Variants in FGD1 observed in about 807,000 individuals in gnomAD.
FGD1 encodes FYVE, RhoGEF and PH domain containing 1, also known as FYVE, RhoGEF and PH domain-containing protein 1.
In FGD1, 12 loss-of-function variants were observed where a neutral mutation model predicts 65.0. The observed-to-expected ratio is 0.18, with a 90% CI of 0.12 to 0.30. The LOEUF is 0.30. FGD1 is among the 10% of genes least tolerant of loss of function. The pLI is 1.00. For synonymous variants in FGD1, 333 were observed against 343.9 expected (o/e 0.97, Z 0.35); for missense variants, 542 against 837.6 (o/e 0.65, Z 4.36).
chrX:54,470,542 T>C (rs764528933), intron 3 of FGD1, 41 bp downstream of exon 3: 2 of 1,183,813 alleles, frequency 1.7e-6, no homozygotes, highest in Non-Finnish European at 2.3e-6. Flanking sequence ...TGTCCCAGGC[T>C]CCCCCTTTCC....
rs918079380 is a variant in FGD1, at chrX:54,478,235, G to A, written c.308-6748C>T. Among the ~76,000 whole-genome samples, 8 of 111,790 alleles carry A rather than the reference G, an allele frequency of 7.2e-5. No homozygotes were observed. In the Admixed American group the frequency reaches 7.6e-4, roughly 11 times the overall value. On this transcript the variant is annotated intron_variant, in intron 1 of 17. Transcript: ENST00000375135. ...GCTTCCAAATGAATGTGGCAGAGCC[G>A]GGCCTTCAAGACAGCACCTGGTAGC...
intron 17 of FGD1, among the ~76,000 whole-genome samples, chrX:54,446,905 G>A (rs1922212879): frequency 9.1e-6 from 1 of 109,639 alleles, no homozygotes; most frequent in Non-Finnish European, 1.9e-5. Flanking sequence ...TGTATTTTTA[G>A]TAGAGACGGG....
At chrX:54,493,557 G>A (rs1249656390) in intron 1 of FGD1, among the ~76,000 whole-genome samples, 1 of 112,010 alleles carries the variant, frequency 8.9e-6, no homozygotes, top group Non-Finnish European at 1.9e-5. Flanking sequence ...AAGACGAGGA[G>A]CAAGCCAGGT....
Position 54,447,221 on chromosome X carries a change from T to C in FGD1, c.2580+90A>G, listed in dbSNP as rs1922235422. The C allele has an allele frequency of 2.1e-5, 21 of 1,015,182 alleles. No homozygotes were observed. The South Asian group carries it at 4.1e-4, about 20-fold the overall frequency. The allele number at this position is 1,015,182 out of a possible 1,213,427, so 83.7% of individuals were successfully genotyped here. A position where few individuals can be genotyped will look rare whatever the true frequency, so the allele number is the denominator to read the frequency against. ...ATAGGCTCACCTTATCTTCCAAGGC[T>C]CACCTTATCTTCCAAGGCCAAGGAG... On this transcript the variant is annotated intron_variant, in intron 17 of 17. Transcript: ENST00000375135.
Position 54,471,334 on chromosome X carries a change from G to A in FGD1, c.461C>T (p.Ala154Val), listed in dbSNP as rs756100428. 1.7e-6 allele frequency: 2 copies of A among 1,210,753 alleles called. No individual in the cohort carries two copies. Among genetic ancestry groups the A allele is most frequent in the East Asian group, 5.9e-5 (2 of 33,840 alleles). The change falls in exon 2 of 18, where the codon GCA becomes GTA. Residue 154 changes from alanine (A) to valine (V), a missense_variant. By Grantham distance (64) the Ala-to-Val change is moderately conservative. Around this residue, in one of 6 missense-constraint regions of FGD1, gnomAD observed 297 missense variants for 326.8 expected, o/e 0.91. Coordinates refer to ENST00000375135, the MANE Select transcript of FGD1 (RefSeq NM_004463.3). ...CTTACCCTGTGGCTTCGGGCCCGGT[G>A]CCCGCTTCAGTGGTGAAGGACGCTG... ...PSQRPSPLKR[A>V]PGPKPQVPPK...
In FGD1 at chrX:54,446,141, G is replaced by A. The variant is rs374402628; in HGVS notation, c.2854C>T (p.Pro952Ser). ...TTGTCTCGGGTCTGGGGGGATTCGG[G>A]GGGTTCAGCAGTGGCTCCTAAAGCA... is the stretch of plus-strand genomic sequence containing the variant. Reference protein sequence around the residue: ...VAALGATAEPPESPQTRDKT With the variant: ...VAALGATAEPSESPQTRDKT Residue 952 changes from proline (P) to serine (S), a missense_variant, in exon 18 of 18, where the codon CCC (proline) becomes TCC (serine). Pro to Ser is a moderately conservative substitution (Grantham distance 74). Transcript: ENST00000375135. 1 of 1,210,762 alleles carries A rather than the reference G, an allele frequency of 8.3e-7. No individual in the cohort carries two copies. Among genetic ancestry groups the A allele is most frequent in the African/African-American group, 1.7e-5 (1 of 57,716 alleles).
At chrX:54,464,425 G>A (rs1180697572) in intron 8 of FGD1, among the ~76,000 whole-genome samples, 2 of 111,568 alleles carry the variant, frequency 1.8e-5, no homozygotes, top group Admixed American at 9.6e-5. Context: ...GAGCCACTGC[G>A]CCCGGCCTCT....
Position 54,448,795 on chromosome X carries a change from C to G in FGD1, c.2436+11G>C. On this transcript the variant is annotated intron_variant, in intron 16 of 17. Transcript: ENST00000375135. ...CCACTGTGGGAGAGTTAGTCAGGGG[C>G]TGGCTCTTACCTCCAGGATGGACCT... 1 of 1,210,561 alleles carries G rather than the reference C, an allele frequency of 8.3e-7. No individual in the cohort carries two copies. The highest frequency in any genetic ancestry group is 1.1e-6 in the Non-Finnish European group (1 of 895,015).
intron 1 of FGD1, among the ~76,000 whole-genome samples, chrX:54,478,095 G>A (rs1382134752): frequency 9.0e-6 from 1 of 111,265 alleles, no homozygotes; most frequent in African/African-American, 3.3e-5. Context: ...CCCAGCCTGG[G>A]CGACAGAGTG....
chrX:54,453,685 G>A (rs1290054919), intron 12 of FGD1, among the ~76,000 whole-genome samples: 3 of 112,190 alleles, frequency 2.7e-5, no homozygotes, highest in Non-Finnish European at 3.8e-5. Context: ...GATTACAGGC[G>A]TGAGCCACTG....
At chrX:54,487,413 A>T (rs1177682950) in intron 1 of FGD1, among the ~76,000 whole-genome samples, 1 of 111,540 alleles carries the variant, frequency 9.0e-6, no homozygotes, top group East Asian at 2.8e-4. Flanking sequence ...TCTTTCCTGA[A>T]CTTTCCAATC....
chrX:54,471,493 G>C lies in FGD1; in HGVS notation c.308-6C>G. The C allele has an allele frequency of 8.3e-7, 1 of 1,209,503 alleles. No homozygotes were observed. The highest frequency in any genetic ancestry group is 1.1e-6 in the Non-Finnish European group (1 of 894,097). ...CCGGTTTCCCTGGTGCAGCCCTGCA[G>C]GAAGGGAGAAAATGGGTGTGAAGTA... On this transcript the variant is annotated splice_region_variant and splice_polypyrimidine_tract_variant and intron_variant, in intron 1 of 17. Transcript: ENST00000375135.
In FGD1 at chrX:54,447,449, C is replaced by G. The variant is rs1193722958; in HGVS notation, c.2442G>C (p.Gln814His). The G allele has an allele frequency of 1.7e-6, 2 of 1,209,879 alleles. No individual in the cohort carries two copies. Among genetic ancestry groups the G allele is most frequent in the Non-Finnish European group, 2.2e-6 (2 of 894,376 alleles). The change falls in exon 17 of 18, where the codon CAG becomes CAC. Residue 814 changes from glutamine to histidine, a missense_variant. By Grantham distance (24) the Gln-to-His change is conservative. Around this residue, in one of 6 missense-constraint regions of FGD1, gnomAD observed 182 missense variants for 311.4 expected, o/e 0.58. Coordinates refer to ENST00000375135, the MANE Select transcript of FGD1 (RefSeq NM_004463.3). ...CGCTGTTCTCTGCAGCCACTGAGGC[C>G]TGTTTCTGTGGCCAGAGACACCGGG... The part of the protein sequence containing the change: ...PQRRRSILEK[Q>H]ASVAAENSVI...
chrX:54,489,569 A>AG (rs768981179), intron 1 of FGD1, among the ~76,000 whole-genome samples: 68 of 110,937 alleles, frequency 6.1e-4, no homozygotes, highest in Non-Finnish European at 1.1e-3. Context: ...TGGGTGACAG[A>AG]GAAAAAAAAA....
intron 8 of FGD1, 55 bp from the exon 9 acceptor site, chrX:54,456,622 C>T (rs778652565): frequency 2.2e-4 from 224 of 1,003,533 alleles, no homozygotes; most frequent in East Asian, 1.1e-3. Context: ...GGAGCCTTTC[C>T]GGGGCTTTGT....
At position 54,454,388 on chromosome X, in the gene FGD1, G is replaced by A. The variant is rs1345095660; in HGVS notation, c.2015+1060C>T. On this transcript the variant is annotated intron_variant, in intron 12 of 17. Coordinates refer to ENST00000375135, the MANE Select transcript of FGD1 (RefSeq NM_004463.3). ...AGTAAAGACAGGCGTAGTGACTCACGCCTGTAATCCCAGCACTTTGGGAGG... is the reference window on the plus strand; with the variant it reads ...AGTAAAGACAGGCGTAGTGACTCACACCTGTAATCCCAGCACTTTGGGAGG... 4.5e-5 allele frequency among the ~76,000 whole-genome samples: 5 copies of A among 111,922 alleles called. No homozygotes were observed. In the East Asian group the frequency reaches 1.4e-3, roughly 31 times the overall value.
intron 12 of FGD1, among the ~76,000 whole-genome samples, chrX:54,452,739 C>G (rs926928782): frequency 9.0e-6 from 1 of 111,032 alleles, no homozygotes. Context: ...GAGTGAGACT[C>G]CATCTCAAAA....
Position 54,455,517 on chromosome X carries a change from C to T in FGD1, c.1946G>A (p.Ser649Asn). 8.3e-7 allele frequency: 1 copy of T among 1,209,897 alleles called. No individual in the cohort carries two copies. Among genetic ancestry groups the T allele is most frequent in the Non-Finnish European group, 1.1e-6 (1 of 893,589 alleles). ...GGTTCGAGGCAGATTGAGGTTGGAG[C>T]TCTCCTTTAGCTGAATGGAGGCAGA... ...IDVDGMELKE[S>N]SNLNLPRTFL... Residue 649 changes from serine to asparagine, a missense_variant, in exon 12 of 18, where the codon AGC (serine) becomes AAC (asparagine). By Grantham distance (46) the Ser-to-Asn change is conservative (BLOSUM62 1). Coordinates refer to ENST00000375135, the MANE Select transcript of FGD1 (RefSeq NM_004463.3).
chrX:54,492,516 C>T (rs1923434160), intron 1 of FGD1, among the ~76,000 whole-genome samples: 1 of 111,427 alleles, frequency 9.0e-6, no homozygotes, highest in Non-Finnish European at 1.9e-5. Context: ...CAATTATAGG[C>T]GAGTCCCATG....
Sources: gnomAD v4.1 joint callset for allele counts (sites outside exome capture counted in the v4.1 genomes callset) on GRCh38, gnomAD v4.1.1 for gene constraint, gnomAD v4.1.1 regional missense constraint, MANE v1.5 for transcripts, NCBI Gene and HGNC (gene_info 2026-07-23, HGNC 2026-07-21) for gene names.